The following FXN variants were observed in gnomAD, a reference collection of about 807,000 sequenced individuals.
FXN encodes the protein frataxin, also known as frataxin, mitochondrial.
A neutral mutation model predicts 22.4 loss-of-function variants in FXN; 14 were observed. The observed-to-expected ratio is 0.62, with a 90% CI of 0.41 to 0.98. FXN has a LOEUF of 0.98. Among genes scored for constraint, FXN ranks in the 50% least tolerant of loss-of-function variants. FXN has a pLI of 0.00. For synonymous variants in FXN, 120 were observed against 114.1 expected, an observed-to-expected ratio of 1.05 and a Z score of -0.33; for missense variants, 267 against 268.4, an observed-to-expected ratio of 0.99 and a Z score of 0.04.
intron 1 of FXN, among the ~76,000 whole-genome samples, chr9:69,045,835 CA>C (rs1831742474): frequency 6.6e-6 from 1 of 151,688 alleles, no homozygotes; most frequent in African/African-American, 2.4e-5. Context: ...GGGAAGTGTG[CA>C]AGGGCAAGTG....
At chr9:69,053,920 T>G (rs1160684662) in intron 3 of FXN, among the ~76,000 whole-genome samples, 1 of 152,220 alleles carries the variant, frequency 6.6e-6, no homozygotes, top group East Asian at 1.9e-4. Context: ...CTAGAGATTT[T>G]GATTACTTGG....
chr9:69,045,618 A>G (rs1338444684), intron 1 of FXN, among the ~76,000 whole-genome samples: 1 of 152,102 alleles, frequency 6.6e-6, no homozygotes, highest in Non-Finnish European at 1.5e-5. Flanking sequence ...AAACCAAAAA[A>G]AAAAACTTCA....
In FXN at chr9:69,073,694, T is replaced by C. The variant is rs1832314937; in HGVS notation, c.*932T>C. On this transcript the variant is annotated 3_prime_UTR_variant, in exon 5 of 5. Transcript: ENST00000484259. ...TTCCCAAATTCCCTGGACCTCTGCT[T>C]CCCCATCTGTTAAATGAGAGAATAG... The C allele has an allele frequency of 3.0e-6, 3 of 985,364 alleles. No homozygotes were observed. In the South Asian group the frequency reaches 1.4e-4, roughly 46 times the overall value. 61.0% of individuals were successfully genotyped at this position (985,364 alleles called of 1,614,324 possible). A position where few individuals can be genotyped will look rare whatever the true frequency, so the allele number is the denominator to read the frequency against.
chr9:69,063,581 T>A (rs1351027823), intron 3 of FXN, among the ~76,000 whole-genome samples: 3 of 152,192 alleles, frequency 2.0e-5, no homozygotes, highest in Non-Finnish European at 2.9e-5. Flanking sequence ...GATGTTATTT[T>A]AAAAAAATAA....
In FXN at chr9:69,076,182, TCTTA is replaced by T. The variant is rs1179130727; in HGVS notation, c.*3424_*3427del. On this transcript the variant is annotated 3_prime_UTR_variant, in exon 5 of 5. Coordinates refer to ENST00000484259, the MANE Select transcript of FXN (RefSeq NM_000144.5). ...TTTAGAATTTAATCGAAACTCTGCC[TCTTA>T]CTTGTTTGTAGACACTGACAGTGGC... 5 of 984,340 alleles carry T rather than the reference TCTTA, an allele frequency of 5.1e-6. No homozygotes were observed. The highest frequency in any genetic ancestry group is 6.0e-6 in the Non-Finnish European group (5 of 829,508). 61.0% of individuals were successfully genotyped at this position (984,340 alleles called of 1,614,324 possible). A position where few individuals can be genotyped will look rare whatever the true frequency, so the allele number is the denominator to read the frequency against.
In FXN at chr9:69,072,413, T is replaced by C. The variant is rs79110296; in HGVS notation, c.483-199T>C. 5.6e-3 allele frequency among the ~76,000 whole-genome samples: 856 copies of C among 152,318 alleles called. 13 individuals carry two copies. In the East Asian group the frequency reaches 0.058, roughly 10 times the overall value. On this transcript the variant is annotated intron_variant, in intron 4 of 4. Coordinates refer to ENST00000484259, the MANE Select transcript of FXN (RefSeq NM_000144.5). ...ATGTTTTTTCAGGTTTTGAGAATCA[T>C]TCTTGGAATTGTTCCAGAAGATATA...
rs11145068 is a variant in FXN, at chr9:69,077,895, A to T, written c.*5133A>T. 377,648 of 928,288 alleles carry T rather than the reference A, an allele frequency of 0.41. 77,813 individuals are homozygous for T. The highest frequency in any genetic ancestry group is 0.56 in the East Asian group (4,676 of 8,416). 57.5% of individuals were successfully genotyped at this position (928,288 alleles called of 1,614,324 possible). On this transcript the variant is annotated 3_prime_UTR_variant, in exon 5 of 5. Coordinates refer to ENST00000484259, the MANE Select transcript of FXN (RefSeq NM_000144.5). ...CAGTGAGCCGAGATTACACCACTGC[A>T]CTCCAGCCTGGGTGACAAGAGGGAA...
chr9:69,075,793 C>A lies in FXN; in HGVS notation c.*3031C>A. On this transcript the variant is annotated 3_prime_UTR_variant, in exon 5 of 5. Coordinates refer to ENST00000484259, the MANE Select transcript of FXN (RefSeq NM_000144.5). ...GCACTCAGGCTGGAGGACAGTGGTA[C>A]AATCAAAGCTCATGGCAGCCTCGAC... is the stretch of plus-strand genomic sequence containing the variant. 1 of 850,408 alleles carries A rather than the reference C, an allele frequency of 1.2e-6. No individual in the cohort carries two copies. The highest frequency in any genetic ancestry group is 1.4e-6 in the Non-Finnish European group (1 of 707,382). 52.7% of individuals were successfully genotyped at this position (850,408 alleles called of 1,614,324 possible).
intron 3 of FXN, among the ~76,000 whole-genome samples, chr9:69,061,035 G>T (rs1477564738): frequency 6.6e-6 from 1 of 152,174 alleles, no homozygotes; most frequent in African/African-American, 2.4e-5. Context: ...TGGGGAGGGA[G>T]GAAGTTGACT....
chr9:69,038,408 G>A (rs1258066640), intron 1 of FXN, among the ~76,000 whole-genome samples: 1 of 151,692 alleles, frequency 6.6e-6, no homozygotes, highest in Non-Finnish European at 1.5e-5. Context: ...AAACAGAATG[G>A]GAGCCACACA....
chr9:69,047,810 C>A (rs892041150), intron 2 of FXN, among the ~76,000 whole-genome samples: 2 of 152,064 alleles, frequency 1.3e-5, no homozygotes, highest in African/African-American at 4.8e-5. Context: ...CTCCGCCTCC[C>A]GGGTTCAAGC....
chr9:69,074,557 T>A lies in FXN; in HGVS notation c.*1795T>A. On this transcript the variant is annotated 3_prime_UTR_variant, in exon 5 of 5. Coordinates refer to ENST00000484259, the MANE Select transcript of FXN (RefSeq NM_000144.5). ...AAGGAGGGTTTATTAATGAGAAGTT[T>A]GTATTAATATGTAGCAAAGGCTTTT... 6.1e-6 allele frequency: 6 copies of A among 984,846 alleles called. No individual in the cohort carries two copies. Among genetic ancestry groups the A allele is most frequent in the Non-Finnish European group, 7.2e-6 (6 of 829,730 alleles). The allele number at this position is 984,846 out of a possible 1,614,324, so 61.0% of individuals were successfully genotyped here.
intron 3 of FXN, among the ~76,000 whole-genome samples, chr9:69,062,704 T>C (rs1319184220): frequency 6.6e-6 from 1 of 152,068 alleles, no homozygotes; most frequent in Non-Finnish European, 1.5e-5. Flanking sequence ...AAATAGAAAG[T>C]AGACAGGTGG....
intron 3 of FXN, among the ~76,000 whole-genome samples, chr9:69,060,176 G>A (rs866504245): frequency 1.2e-4 from 19 of 152,086 alleles, no homozygotes; most frequent in Non-Finnish European, 2.2e-4. Flanking sequence ...AGACCATTCT[G>A]GCTAACACGG....
chr9:69,039,508 G>GCC (rs1831617657), intron 1 of FXN, among the ~76,000 whole-genome samples: 1 of 127,010 alleles, frequency 7.9e-6, no homozygotes. Context: ...ACAGCCCCCA[G>GCC]CCCCAGCCTT....
At chr9:69,052,279 A>T (rs1420303209) in intron 2 of FXN, among the ~76,000 whole-genome samples, 1 of 149,690 alleles carries the variant, frequency 6.7e-6, no homozygotes, top group Non-Finnish European at 1.5e-5. Context: ...TCAGCCTCCC[A>T]AGTAGCTGGG....
rs1832370018 is a variant in FXN at position 69,076,366 on chromosome 9, G to T, written c.*3604G>T. On this transcript the variant is annotated 3_prime_UTR_variant, in exon 5 of 5. Coordinates refer to ENST00000484259, the MANE Select transcript of FXN (RefSeq NM_000144.5). ...GCATAATTTCATATTCACATTGGAG[G>T]ACTTCTCCCAAAATATGGATGACGT... The T allele has an allele frequency of 1.0e-6, 1 of 985,160 alleles. No homozygotes were observed. The highest frequency in any genetic ancestry group is 1.7e-5 in the African/African-American group (1 of 57,166). 61.0% of individuals were successfully genotyped at this position (985,160 alleles called of 1,614,324 possible). A position where few individuals can be genotyped will look rare whatever the true frequency, so the allele number is the denominator to read the frequency against.
intron 4 of FXN, among the ~76,000 whole-genome samples, chr9:69,069,419 T>C (rs1007809771): frequency 6.6e-6 from 1 of 152,182 alleles, no homozygotes; most frequent in East Asian, 1.9e-4. Flanking sequence ...GCCATGAATG[T>C]TGGAGTGAAG....
At chr9:69,063,523 T>C (rs946368835) in intron 3 of FXN, among the ~76,000 whole-genome samples, 5 of 152,204 alleles carry the variant, frequency 3.3e-5, no homozygotes, top group Admixed American at 2.0e-4. Flanking sequence ...GTGTCTGCAT[T>C]GCTGACGTCT....
Sources: gnomAD v4.1 joint callset for allele counts (sites outside exome capture counted in the v4.1 genomes callset) on GRCh38, gnomAD v4.1.1 for gene constraint, MANE v1.5 for transcripts, NCBI Gene and HGNC (gene_info 2026-07-23, HGNC 2026-07-21) for gene names.